PLCD1: variants seen among roughly 807,000 people sequenced by gnomAD.
PLCD1 encodes 1-phosphatidylinositol 4,5-bisphosphate phosphodiesterase delta-1.
PLCD1 carries 71 observed loss-of-function variants against 87.4 expected under a neutral mutation model. That is an observed-to-expected ratio of 0.81 (90% CI 0.67 to 0.99). The LOEUF (loss-of-function observed/expected upper bound fraction) is 0.99, where lower values mean the gene tolerates loss of function less well. Among genes scored for constraint, PLCD1 ranks in the 50% least tolerant of loss-of-function variants. The pLI, the probability that PLCD1 is intolerant of heterozygous loss-of-function variation, is 0.00. For synonymous variants in PLCD1, 348 were observed against 399.2 expected (o/e 0.87, Z 1.53); for missense variants, 867 against 1,001.5 (o/e 0.87, Z 1.81).
chr3:38,015,520 C>T (rs988445461), intron 3 of PLCD1, among the ~76,000 whole-genome samples: 1 of 152,108 alleles, frequency 6.6e-6, no homozygotes, highest in Admixed American at 6.5e-5. Flanking sequence ...GATGGCTGCA[C>T]AATTCTGTGA....
At position 38,009,764 on chromosome 3, in the gene PLCD1, G is replaced by A. The variant is rs141085679; in HGVS notation, c.1335C>T (p.Leu445=). 122 of 1,613,774 alleles carry A rather than the reference G, an allele frequency of 7.6e-5. No individual in the cohort carries two copies. In the African/African-American group the frequency reaches 1.5e-3, roughly 20 times the overall value. Residue 445 remains leucine (L), a synonymous_variant, in exon 9 of 15, where the codon CTC becomes CTT. Coordinates refer to ENST00000334661, the MANE Select transcript of PLCD1 (RefSeq NM_006225.4). ...ILLKGKKLGG[L]LPPGGEGGPE... ...GGCCACCCTCCCCTCCAGGGGGCAG[G>A]AGCCCCCCGAGCTTCTTCCCCTTCA... is the stretch of plus-strand genomic sequence containing the variant.
At position 38,023,211 on chromosome 3, in the gene PLCD1, C is replaced by T. The variant is rs1700259870; in HGVS notation, c.35-2859G>A. Among the ~76,000 whole-genome samples the T allele has an allele frequency of 2.6e-5, 4 of 152,082 alleles. No homozygotes were observed. The South Asian group carries it at 8.3e-4, about 32-fold the overall frequency. On this transcript the variant is annotated intron_variant, in intron 1 of 14. Coordinates refer to ENST00000334661, the MANE Select transcript of PLCD1 (RefSeq NM_006225.4). ...TGGGACCCACAGCGATACACAGCTA[C>T]ACAGATATGGCCACACAAATACACA...
In PLCD1 at chr3:38,029,628, T is replaced by C. The variant is rs1700343566; in HGVS notation, c.-89A>G. Reference sequence around the variant, plus strand: ...GGCCTGGGGTCCGAGCGGAGTGCGGTGCAGGGACCTGAATGGACCGCGGTG... The same window carrying C: ...GGCCTGGGGTCCGAGCGGAGTGCGGCGCAGGGACCTGAATGGACCGCGGTG... On this transcript the variant is annotated 5_prime_UTR_variant, in exon 1 of 15. Coordinates refer to ENST00000334661, the MANE Select transcript of PLCD1 (RefSeq NM_006225.4). 7.9e-7 allele frequency: 1 copy of C among 1,267,864 alleles called. No individual in the cohort carries two copies. The highest frequency in any genetic ancestry group is 1.3e-5 in the South Asian group (1 of 76,174). 78.5% of individuals were successfully genotyped at this position (1,267,864 alleles called of 1,614,324 possible). A position where few individuals can be genotyped will look rare whatever the true frequency, so the allele number is the denominator to read the frequency against.
In PLCD1 at chr3:38,016,611, T is replaced by A. The variant is rs1322292478; in HGVS notation, c.308A>T (p.Asp103Val). 1.2e-6 allele frequency: 2 copies of A among 1,613,468 alleles called. No individual in the cohort carries two copies. Among genetic ancestry groups the A allele is most frequent in the Non-Finnish European group, 1.7e-6 (2 of 1,179,742 alleles). Residue 103 changes from aspartate (D) to valine (V), a missense_variant, in exon 3 of 15, where the codon GAC (aspartate) becomes GTC (valine). Asp to Val is a radical substitution (Grantham distance 152). Transcript: ENST00000334661. ...GATGAGGTCTAGTGTATTGCGCTGG[T>A]CCTTGAAGACAATGGAGAAGCAGCG... is the stretch of plus-strand genomic sequence containing the variant. ...EDRCFSIVFK[D>V]QRNTLDLIAP...
chr3:38,026,012 A>G (rs1038837107), intron 1 of PLCD1, among the ~76,000 whole-genome samples: 2 of 152,234 alleles, frequency 1.3e-5, no homozygotes, highest in African/African-American at 4.8e-5. Context: ...GAGCAAGGTG[A>G]GTAGATGGAC....
At chr3:38,023,565 G>T (rs1700264724) in intron 1 of PLCD1, among the ~76,000 whole-genome samples, 1 of 152,176 alleles carries the variant, frequency 6.6e-6, no homozygotes, top group Admixed American at 6.5e-5. Flanking sequence ...TCAGGACTCA[G>T]AAGCAGGTAG....
Position 38,011,563 on chromosome 3 carries a change from T to A in PLCD1, c.539A>T (p.Tyr180Phe), listed in dbSNP as rs775897920. ...CCTCACCCTGAAGATCTTCCGGGCA[T>A]AGCTGTCGTCCACCTGGATGTTGAG... Reference protein sequence around the residue: ...KELNIQVDDSYARKIFRECDH... With the variant: ...KELNIQVDDSFARKIFRECDH... The change falls in exon 4 of 15, where the codon TAT (tyrosine) becomes TTT (phenylalanine). Residue 180 changes from tyrosine (Y) to phenylalanine (F), a missense_variant. Coordinates refer to ENST00000334661, the MANE Select transcript of PLCD1 (RefSeq NM_006225.4). The A allele has an allele frequency of 2.3e-5, 37 of 1,614,078 alleles. No homozygotes were observed. The highest frequency in any genetic ancestry group is 3.0e-5 in the Non-Finnish European group (35 of 1,180,014).
In PLCD1 at chr3:38,010,230, G is replaced by T. The variant is rs371718392; in HGVS notation, c.1038C>A (p.Asp346Glu). Residue 346 changes from aspartate (D) to glutamate (E), a missense_variant, in exon 7 of 15, where the codon GAC (aspartate) becomes GAA (glutamate). By Grantham distance (45) the Asp-to-Glu change is conservative. Transcript: ENST00000334661. Reference protein sequence around the residue: ...GCRCLELDCWDGPNQEPIIYH... With the variant: ...GCRCLELDCWEGPNQEPIIYH... The stretch of plus-strand genomic sequence containing the variant: ...AGATGATTGGTTCCTGGTTGGGCCC[G>T]TCCCAGCAGTCAAGCTCCAGGCATC... 6.8e-6 allele frequency: 11 copies of T among 1,614,102 alleles called. No individual in the cohort carries two copies. The African/African-American group carries it at 1.3e-4, about 20-fold the overall frequency.
rs1036919579 is a variant in PLCD1 at position 38,029,497 on chromosome 3, G to T, written c.34+9C>A. 4.5e-6 allele frequency: 7 copies of T among 1,538,984 alleles called. No individual in the cohort carries two copies. The African/African-American group carries it at 9.6e-5, about 21-fold the overall frequency. ...CAGGGTCTCCCGCTCGCGCGGGCCA[G>T]GCACTCACCGTGCAGGGTCAGGAAG... On this transcript the variant is annotated intron_variant, in intron 1 of 14. Coordinates refer to ENST00000334661, the MANE Select transcript of PLCD1 (RefSeq NM_006225.4).
At chr3:38,028,493 G>GC (rs1209096878) in intron 1 of PLCD1, among the ~76,000 whole-genome samples, 1 of 152,196 alleles carries the variant, frequency 6.6e-6, no homozygotes, top group African/African-American at 2.4e-5. Flanking sequence ...AGAGGACTCT[G>GC]CCCTTCTCTT....
At chr3:38,009,617 G>T (rs1460829153) in intron 9 of PLCD1, 36 bp downstream of exon 9, 1 of 1,612,666 alleles carries the variant, frequency 6.2e-7, no homozygotes, top group Non-Finnish European at 8.5e-7. Flanking sequence ...GATGGGGAAG[G>T]CCCGGGCTGC....
In PLCD1 at chr3:38,022,311, G is replaced by A. The variant is rs138171841; in HGVS notation, c.35-1959C>T. 3.5e-4 allele frequency among the ~76,000 whole-genome samples: 53 copies of A among 152,352 alleles called. No homozygotes were observed. The East Asian group carries it at 7.7e-3, about 22-fold the overall frequency. ...GCTGTGTCTGAGGAGCCTGAGACAA[G>A]AGGAGGCAGAAGGGAGTTCCCAGGC... On this transcript the variant is annotated intron_variant, in intron 1 of 14. Transcript: ENST00000334661.
Position 38,021,960 on chromosome 3 carries a change from C to T in PLCD1, c.35-1608G>A, listed in dbSNP as rs866967059. 2.0e-5 allele frequency among the ~76,000 whole-genome samples: 3 copies of T among 152,140 alleles called. No homozygotes were observed. The South Asian group carries it at 6.2e-4, about 31-fold the overall frequency. On this transcript the variant is annotated intron_variant, in intron 1 of 14. Coordinates refer to ENST00000334661, the MANE Select transcript of PLCD1 (RefSeq NM_006225.4). ...GGACCACTTCCCCAGGCTTCAGTTG[C>T]TCACACACTCTTTATCCTTCCCCAG...
rs75348840 is a variant in PLCD1 at position 38,026,020 on chromosome 3, G to C, written c.34+3486C>G. Among the ~76,000 whole-genome samples, 1,186 of 152,346 alleles carry C rather than the reference G, an allele frequency of 7.8e-3. 12 individuals carry two copies. Among genetic ancestry groups the C allele is most frequent in the Non-Finnish European group, 8.6e-3 (588 of 68,044 alleles). On this transcript the variant is annotated intron_variant, in intron 1 of 14. Coordinates refer to ENST00000334661, the MANE Select transcript of PLCD1 (RefSeq NM_006225.4). ...AAATCATGAGCAAGGTGAGTAGATG[G>C]ACAAGGTAGATGAGCTGAAATATGA...
At chr3:38,020,095 C>A in intron 2 of PLCD1, 93 bp downstream of exon 2, 1 of 1,165,046 alleles carries the variant, frequency 8.6e-7, no homozygotes, top group Non-Finnish European at 1.3e-6. Context: ...GTTTCCCCAT[C>A]TGTGGTTTTG....
intron 3 of PLCD1, chr3:38,014,497 CAAA>C (rs1406864094): frequency 6.5e-6 from 1 of 153,648 alleles, no homozygotes; most frequent in Non-Finnish European, 1.5e-5. Context: ...AAATAAACAA[CAAA>C]AGAAATAAAG....
chr3:38,028,469 TC>T (rs1700330101), intron 1 of PLCD1, among the ~76,000 whole-genome samples: 1 of 152,190 alleles, frequency 6.6e-6, no homozygotes, highest in Non-Finnish European at 1.5e-5. Flanking sequence ...CCAGGGGGAC[TC>T]TAGTGGAAGG....
intron 1 of PLCD1, among the ~76,000 whole-genome samples, 172 bp downstream of exon 1, chr3:38,029,334 C>T (rs1284080860): frequency 6.6e-6 from 1 of 152,044 alleles, no homozygotes; most frequent in Non-Finnish European, 1.5e-5. Flanking sequence ...GGCAGTCCCA[C>T]CCAGGGAGCC....
chr3:38,021,334 T>A (rs2125550048), intron 1 of PLCD1, among the ~76,000 whole-genome samples: 1 of 152,212 alleles, frequency 6.6e-6, no homozygotes, highest in South Asian at 2.1e-4. Flanking sequence ...GCACAGTGCA[T>A]CCCTTTCCGA....
Sources: allele counts gnomAD v4.1 joint callset (sites outside exome capture counted in the v4.1 genomes callset), GRCh38; gene constraint gnomAD v4.1.1; transcripts MANE v1.5; gene names NCBI Gene and HGNC (gene_info 2026-07-23, HGNC 2026-07-21).